Variants in NLRC5 observed in about 807,000 individuals in gnomAD.
The protein encoded by NLRC5 is protein NLRC5.
A neutral mutation model predicts 206.9 loss-of-function variants in NLRC5; 114 were observed. The ratio of observed to expected loss-of-function variants is 0.55; its 90% CI spans 0.47 to 0.64. The LOEUF is 0.64. Among genes scored for constraint, NLRC5 ranks in the 30% least tolerant of loss-of-function variants. The pLI is 0.00. For synonymous variants in NLRC5, 952 were observed against 962.8 expected (o/e 0.99, Z 0.21); for missense variants, 2,008 against 2,305.5 (o/e 0.87, Z 2.64).
chr16:57,069,975 G>A (rs2067455194), intron 37 of NLRC5, 56 bp downstream of exon 37: 10 of 1,442,952 alleles, frequency 6.9e-6, no homozygotes, highest in Non-Finnish European at 7.6e-6. Context: ...GGTGAGGGGT[G>A]GAGAAGAGAG....
chr16:57,015,925 C>CAAAAAAAAA (rs35216159), intron 1 of NLRC5, among the ~76,000 whole-genome samples: 28 of 39,544 alleles, frequency 7.1e-4, no homozygotes, highest in African/African-American at 1.2e-3. Flanking sequence ...AACTCCATCT[C>CAAAAAAAAA]AAAAAAAAAA....
chr16:57,023,924 G>C, intron 5 of NLRC5, 71 bp downstream of exon 5: 1 of 1,403,080 alleles, frequency 7.1e-7, no homozygotes, highest in South Asian at 1.2e-5. Flanking sequence ...CCGGACCCTG[G>C]ACCTTGTCCC....
Position 57,025,490 on chromosome 16 carries a change from C to G in NLRC5, c.547C>G (p.Arg183Gly). ...HQVYVPPILR[R>G]ATASLDTPEG... ...GGTCTATGTCCCTCCAATCCTGCGC[C>G]GGGCCACAGCATCCTTAGACACTCC... Residue 183 changes from arginine (R) to glycine (G), a missense_variant, in exon 6 of 49, where the codon CGG becomes GGG. Coordinates refer to ENST00000688547, the MANE Select transcript of NLRC5 (RefSeq NM_001384950.1). 6.2e-7 allele frequency: 1 copy of G among 1,613,400 alleles called. No individual in the cohort carries two copies. The highest frequency in any genetic ancestry group is 8.5e-7 in the Non-Finnish European group (1 of 1,179,632).
At chr16:57,021,962 C>T (rs1049213773) in intron 3 of NLRC5, among the ~76,000 whole-genome samples, 20 of 152,324 alleles carry the variant, frequency 1.3e-4, no homozygotes, top group Admixed American at 9.8e-4. Flanking sequence ...TGGGTATGTG[C>T]GTAAACCCAT....
intron 23 of NLRC5, 143 bp downstream of exon 23, chr16:57,047,771 T>C: frequency 1.4e-6 from 1 of 698,656 alleles, no homozygotes; most frequent in Non-Finnish European, 2.5e-6. Context: ...CCCTGGCCTT[T>C]GGTAGAAACT....
chr16:57,078,484 T>TTTTTTTTTTTTTTTTTTTTTTTTG (rs2068718985), intron 43 of NLRC5, among the ~76,000 whole-genome samples: 1 of 146,784 alleles, frequency 6.8e-6, no homozygotes, highest in African/African-American at 2.6e-5. Flanking sequence ...TTTTTTTTTT[T>TTTTTTTTTTTTTTTTTTTTTTTTG]TTTTTTAGAT....
At position 57,066,571 on chromosome 16, in the gene NLRC5, G is replaced by T; in HGVS notation, c.4279G>T (p.Glu1427Ter). 1.2e-6 allele frequency: 2 copies of T among 1,614,042 alleles called. No homozygotes were observed. The highest frequency in any genetic ancestry group is 1.7e-6 in the Non-Finnish European group (2 of 1,180,000). Residue 1427 changes from glutamate to a stop codon, truncating the protein, a stop_gained, in exon 34 of 49, where the codon GAA (glutamate) becomes TAA (stop). Transcript: ENST00000688547. LOFTEE classifies it high-confidence loss of function. The part of the protein sequence containing the change: ...ETQQQLCVQL[E>*]FPRQEENPEA... ...CCAGCAGCAGCTCTGTGTCCAGCTGGAATTTCCTCGCCAGGAAGAGAATCC... is the reference window on the plus strand; with the variant it reads ...CCAGCAGCAGCTCTGTGTCCAGCTGTAATTTCCTCGCCAGGAAGAGAATCC...
chr16:57,067,599 G>A, intron 35 of NLRC5, 129 bp downstream of exon 35: 1 of 1,331,540 alleles, frequency 7.5e-7, no homozygotes, highest in South Asian at 1.2e-5. Flanking sequence ...GCCAGTGGAG[G>A]GGAGGGAGAG....
intron 38 of NLRC5, 42 bp downstream of exon 38, chr16:57,070,660 T>C: frequency 2.6e-6 from 4 of 1,516,632 alleles, no homozygotes; most frequent in Non-Finnish European, 3.6e-6. Flanking sequence ...GTGGTGGGGG[T>C]GGTTAATGGA....
At position 57,021,130 on chromosome 16, in the gene NLRC5, T is replaced by C. The variant is rs112858120; in HGVS notation, c.295+123T>C. 5.1e-4 allele frequency: 432 copies of C among 840,424 alleles called. 3 individuals carry two copies. In the African/African-American group the frequency reaches 6.6e-3, roughly 13 times the overall value. The allele number at this position is 840,424 out of a possible 1,614,324, so 52.1% of individuals were successfully genotyped here. On this transcript the variant is annotated intron_variant, in intron 3 of 48. Coordinates refer to ENST00000688547, the MANE Select transcript of NLRC5 (RefSeq NM_001384950.1). Reference sequence around the variant, plus strand: ...TGTAGCCCAGCCACGATCTCAACTCTATATTTCTGGACACTTCCCAGAACA... The same window carrying C: ...TGTAGCCCAGCCACGATCTCAACTCCATATTTCTGGACACTTCCCAGAACA...
intron 18 of NLRC5, 30 bp downstream of exon 18, chr16:57,041,604 G>T: frequency 2.5e-6 from 4 of 1,581,524 alleles, no homozygotes; most frequent in South Asian, 1.1e-5. Context: ...GAAGGTGGGT[G>T]GGTGGGGCCA....
intron 18 of NLRC5, 52 bp downstream of exon 18, chr16:57,041,626 T>G: frequency 6.9e-7 from 1 of 1,442,598 alleles, no homozygotes; most frequent in Non-Finnish European, 9.7e-7. Context: ...TTACAGTGAG[T>G]TAGTGTTGGT....
chr16:57,058,220 C>T, intron 28 of NLRC5, 72 bp downstream of exon 28: 3 of 1,316,086 alleles, frequency 2.3e-6, no homozygotes, highest in Non-Finnish European at 3.2e-6. Flanking sequence ...ATGATGGGGG[C>T]TCCTTCTGAG....
intron 27 of NLRC5, among the ~76,000 whole-genome samples, chr16:57,056,404 C>T (rs1273777320): frequency 2.0e-5 from 3 of 152,034 alleles, no homozygotes; most frequent in Non-Finnish European, 4.4e-5. Flanking sequence ...GATCCTCCCA[C>T]CTCAGCCTCT....
At chr16:57,007,089 A>T (rs971598211) in intron 1 of NLRC5, among the ~76,000 whole-genome samples, 1 of 152,154 alleles carries the variant, frequency 6.6e-6, no homozygotes, top group African/African-American at 2.4e-5. Flanking sequence ...CACATTAAAA[A>T]GTTTGAATGG....
rs537746813 is a variant in NLRC5 at position 57,051,521 on chromosome 16, C to A, written c.3423-17C>A. 4 of 1,606,198 alleles carry A rather than the reference C, an allele frequency of 2.5e-6. No homozygotes were observed. In the East Asian group the frequency reaches 6.7e-5, roughly 27 times the overall value. On this transcript the variant is annotated splice_polypyrimidine_tract_variant and intron_variant, in intron 23 of 48. Transcript: ENST00000688547. ...TGGAAGGTTTCCCCCACCTCATCCA[C>A]CTGCTTTGTTTCACAGATTGTCCTG...
At chr16:57,074,805 C>A in intron 39 of NLRC5, 122 bp downstream of exon 39, 1 of 902,124 alleles carries the variant, frequency 1.1e-6, no homozygotes, top group Non-Finnish European at 1.8e-6. Context: ...CCCTCCCAGG[C>A]CCATCCCTGT....
intron 33 of NLRC5, 44 bp from the exon 34 acceptor site, chr16:57,066,490 G>C: frequency 1.3e-6 from 2 of 1,585,106 alleles, no homozygotes; most frequent in Non-Finnish European, 8.7e-7. Flanking sequence ...AGGCCCTCCG[G>C]GGAAGGCTGC....
chr16:57,051,789 G>A lies in NLRC5; in HGVS notation c.3506+168G>A, dbSNP rs199475997. The stretch of plus-strand genomic sequence containing the variant: ...CTTAGGTTGTTTTATCATTTTACCT[G>A]GCACAACTGGGGACTCCAATCTGCT... On this transcript the variant is annotated intron_variant, in intron 24 of 48. Coordinates refer to ENST00000688547, the MANE Select transcript of NLRC5 (RefSeq NM_001384950.1). Among the ~76,000 whole-genome samples the A allele has an allele frequency of 8.2e-5, 11 of 134,622 alleles. No homozygotes were observed. In the East Asian group the frequency reaches 2.3e-3, roughly 29 times the overall value. The allele number at this position is 134,622 out of a possible 152,430, so 88.3% of individuals were successfully genotyped here. A position where few individuals can be genotyped will look rare whatever the true frequency, so the allele number is the denominator to read the frequency against.
Sources: gnomAD v4.1 joint callset for allele counts (sites outside exome capture counted in the v4.1 genomes callset) on GRCh38, gnomAD v4.1.1 for gene constraint, MANE v1.5 for transcripts, NCBI Gene and HGNC (gene_info 2026-07-23, HGNC 2026-07-21) for gene names.